HACE1: variants seen among roughly 807,000 people sequenced by gnomAD.
The protein encoded by HACE1 is HECT domain and ankyrin repeat containing E3 ubiquitin protein ligase 1.
Under a neutral mutation model 118.4 loss-of-function variants are expected in HACE1, and 73 were observed. The observed-to-expected ratio is 0.62, with a 90% CI of 0.51 to 0.75. HACE1 has a LOEUF of 0.75. Among genes scored for constraint, HACE1 ranks in the 30% least tolerant of loss-of-function variants. HACE1 has a pLI of 0.00. For missense variants in HACE1, 749 were observed against 1,102.2 expected, an observed-to-expected ratio of 0.68 and a Z score of 4.54; for synonymous variants, 368 against 374.8, an observed-to-expected ratio of 0.98 and a Z score of 0.21.
At chr6:104,778,391 A>G (rs1240576991) in intron 14 of HACE1, among the ~76,000 whole-genome samples, 1 of 151,310 alleles carries the variant, frequency 6.6e-6, no homozygotes, top group South Asian at 2.1e-4. Flanking sequence ...TATATATATA[A>G]TATCAATTTC....
At chr6:104,840,610 C>T (rs1165167259) in intron 5 of HACE1, among the ~76,000 whole-genome samples, 8 of 152,088 alleles carry the variant, frequency 5.3e-5, no homozygotes, top group African/African-American at 1.9e-4. Flanking sequence ...GGGTGGATCA[C>T]CTGAGGTCAG....
rs1777077904 is a variant in HACE1 at position 104,859,400 on chromosome 6, G to A, written c.76+167C>T. On this transcript the variant is annotated intron_variant, in intron 1 of 23. Coordinates refer to ENST00000262903, the MANE Select transcript of HACE1 (RefSeq NM_020771.4). ...CCACCTGCCGGGGTGGGAGCGTCGG[G>A]CCAGGGGAGTTCGGGGCCCGGGGCC... 1.0e-5 allele frequency: 6 copies of A among 588,632 alleles called. No homozygotes were observed. The South Asian group carries it at 1.3e-4, about 12-fold the overall frequency. The allele number at this position is 588,632 out of a possible 1,614,324, so 36.5% of individuals were successfully genotyped here. A position where few individuals can be genotyped will look rare whatever the true frequency, so the allele number is the denominator to read the frequency against.
chr6:104,850,885 C>T, intron 3 of HACE1, 22 bp downstream of exon 3: 3 of 1,435,210 alleles, frequency 2.1e-6, no homozygotes, highest in Non-Finnish European at 3.0e-6. Flanking sequence ...CAGAGTTTAA[C>T]TCAAAATATC....
intron 19 of HACE1, among the ~76,000 whole-genome samples, chr6:104,770,006 T>C (rs1780440266): frequency 6.6e-6 from 1 of 152,200 alleles, no homozygotes; most frequent in Admixed American, 6.5e-5. Flanking sequence ...TTTTACAAAA[T>C]GCTAATAACA....
At chr6:104,842,786 C>G (rs939167947) in intron 5 of HACE1, among the ~76,000 whole-genome samples, 2 of 152,224 alleles carry the variant, frequency 1.3e-5, no homozygotes, top group Non-Finnish European at 2.9e-5. Context: ...AACTTTATCT[C>G]AAATCATTCT....
intron 1 of HACE1, chr6:104,858,427 G>T: frequency 3.0e-6 from 1 of 330,668 alleles, no homozygotes; most frequent in Non-Finnish European, 6.1e-6. Context: ...CAGGCCAGGC[G>T]CGGTGGCTCA....
At chr6:104,797,283 G>A (rs1456939736) in intron 7 of HACE1, among the ~76,000 whole-genome samples, 1 of 150,918 alleles carries the variant, frequency 6.6e-6, no homozygotes, top group Non-Finnish European at 1.5e-5. Context: ...ATATTTTGGG[G>A]ATAAGTAACT....
intron 1 of HACE1, among the ~76,000 whole-genome samples, chr6:104,853,275 T>C (rs1476976587): frequency 2.0e-5 from 3 of 152,196 alleles, no homozygotes; most frequent in Non-Finnish European, 4.4e-5. Flanking sequence ...TTTGTTTTCT[T>C]TACAAATTAT....
At position 104,768,271 on chromosome 6, in the gene HACE1, T is replaced by G. The variant is rs114914086; in HGVS notation, c.2211+2922A>C. On this transcript the variant is annotated intron_variant, in intron 19 of 23. Transcript: ENST00000262903. ...TCATTTAAGTTTCAATAGTTCAAAA[T>G]TATAAAGTCGAACTCTAAACATGAC... Among the ~76,000 whole-genome samples, 1,370 of 152,198 alleles carry G rather than the reference T, an allele frequency of 9.0e-3. 21 individuals are homozygous for G. The highest frequency in any genetic ancestry group is 0.032 in the African/African-American group (1,319 of 41,516).
intron 22 of HACE1, among the ~76,000 whole-genome samples, chr6:104,742,473 CA>C (rs959066137): frequency 4.6e-5 from 7 of 151,652 alleles, no homozygotes; most frequent in African/African-American, 1.7e-4. Context: ...AAGAAAAAAA[CA>C]AACAACCCCA....
At chr6:104,748,481 G>A (rs1777685068) in intron 20 of HACE1, among the ~76,000 whole-genome samples, 1 of 152,150 alleles carries the variant, frequency 6.6e-6, no homozygotes, top group Non-Finnish European at 1.5e-5. Context: ...ACCTCCTAAT[G>A]GGAGTGTAAA....
chr6:104,785,369 T>TAAAAAAAAAAAA, intron 11 of HACE1, 50 bp from the exon 12 acceptor site: 1 of 743,258 alleles, frequency 1.3e-6, no homozygotes, highest in South Asian at 1.8e-5. Flanking sequence ...ACTACAGGAT[T>TAAAAAAAAAAAA]AAAAAAAAAA....
intron 14 of HACE1, among the ~76,000 whole-genome samples, chr6:104,783,790 T>C (rs556380124): frequency 1.3e-3 from 191 of 152,358 alleles, no homozygotes; most frequent in Non-Finnish European, 1.9e-3. Context: ...CCAAATGTAT[T>C]TGGGGGCTAA....
chr6:104,848,839 GTAA>G (rs1775906217), intron 4 of HACE1, among the ~76,000 whole-genome samples: 1 of 152,042 alleles, frequency 6.6e-6, no homozygotes, highest in South Asian at 2.1e-4. Flanking sequence ...TATAATACAA[GTAA>G]TAATGAACTT....
intron 20 of HACE1, among the ~76,000 whole-genome samples, chr6:104,747,470 C>T (rs944066337): frequency 7.2e-5 from 11 of 152,028 alleles, no homozygotes; most frequent in Admixed American, 6.6e-4. Context: ...CTAGTTTAGA[C>T]GTTTGTACCA....
intron 2 of HACE1, among the ~76,000 whole-genome samples, chr6:104,851,654 G>A (rs1279144482): frequency 3.3e-5 from 5 of 151,954 alleles, no homozygotes; most frequent in Non-Finnish European, 7.4e-5. Context: ...GTTGAGCCTA[G>A]CTATATTAAT....
chr6:104,750,471 G>C lies in HACE1; in HGVS notation c.2213C>G (p.Ala738Gly). The C allele has an allele frequency of 6.2e-7, 1 of 1,613,016 alleles. No homozygotes were observed. Among genetic ancestry groups the C allele is most frequent in the Non-Finnish European group, 8.5e-7 (1 of 1,179,258 alleles). ...GSILVTQNNKAEYVQLVTELR... is the reference protein window; with the variant it reads ...GSILVTQNNKGEYVQLVTELR... ...TTCAGTAACAAGCTGGACGTACTCC[G>C]CCTGTTGAAAAAGAAGTTTTCATGA... The change falls in exon 20 of 24, where the codon GCG becomes GGG. Residue 738 changes from alanine (A) to glycine (G), a missense_variant and splice_region_variant. Physicochemically the swap from Ala to Gly is moderately conservative, Grantham distance 60 (BLOSUM62 0). Around this residue, in one of 5 missense-constraint regions of HACE1, gnomAD observed 165 missense variants for 229.9 expected, o/e 0.72. Coordinates refer to ENST00000262903, the MANE Select transcript of HACE1 (RefSeq NM_020771.4).
At chr6:104,824,429 G>C (rs946090073) in intron 6 of HACE1, among the ~76,000 whole-genome samples, 1 of 152,160 alleles carries the variant, frequency 6.6e-6, no homozygotes, top group African/African-American at 2.4e-5. Flanking sequence ...AGTGCTACAA[G>C]ATAATCAATG....
chr6:104,797,168 C>A, intron 7 of HACE1, 143 bp from the exon 8 acceptor site: 3 of 586,714 alleles, frequency 5.1e-6, no homozygotes, highest in South Asian at 3.7e-5. Context: ...TTCATAATCA[C>A]AAAAACTTTC....
Sources: gnomAD v4.1 joint callset for allele counts (sites outside exome capture counted in the v4.1 genomes callset) on GRCh38, gnomAD v4.1.1 for gene constraint, gnomAD v4.1.1 regional missense constraint, MANE v1.5 for transcripts, NCBI Gene and HGNC (gene_info 2026-07-23, HGNC 2026-07-21) for gene names.